Variants in SUN3 observed in about 807,000 individuals in gnomAD.
SUN3 encodes the protein Sad1 and UNC84 domain containing 3.
In SUN3, 36 loss-of-function variants were observed where a neutral mutation model predicts 48.2. That is an observed-to-expected ratio of 0.75 (90% CI 0.57 to 0.99). SUN3 has a LOEUF of 0.99. Ranked by LOEUF, SUN3 falls within the 50% of genes least tolerant of loss-of-function variation. SUN3 has a pLI of 0.00. For missense variants in SUN3, 419 were observed against 433.1 expected (o/e 0.97, Z 0.29); for synonymous variants, 148 against 147.9 (o/e 1.00, Z 0.00).
At chr7:48,020,716 G>A (rs772295546) in intron 2 of SUN3, among the ~76,000 whole-genome samples, 11 of 151,812 alleles carry the variant, frequency 7.2e-5, no homozygotes, top group Non-Finnish European at 1.6e-4. Context: ...CAAATACCTA[G>A]GAATTAACCA....
intron 8 of SUN3, chr7:47,990,953 TG>T (rs1224244512): frequency 8.4e-6 from 3 of 357,234 alleles, no homozygotes; most frequent in Admixed American, 6.7e-5. Flanking sequence ...TACTTGAGGG[TG>T]GGGGGTGGGA....
At chr7:47,990,939 G>C in intron 8 of SUN3, 1 of 395,736 alleles carries the variant, frequency 2.5e-6, no homozygotes, top group South Asian at 1.7e-5. Context: ...CAGACACTGA[G>C]ATCTACTTGA....
chr7:48,008,276 G>C (rs891444430), intron 4 of SUN3, among the ~76,000 whole-genome samples: 2 of 151,980 alleles, frequency 1.3e-5, no homozygotes, highest in African/African-American at 2.4e-5. Context: ...GTTTGAATTC[G>C]GGAAAAAACC....
rs778391270 is a variant in SUN3 at position 48,017,251 on chromosome 7, C to CA, written c.288+10dup. ...ATGAGTGATATACAAAATTACTTAA[C>CA]AAAATATCACCTGATATTTATAAAG... On this transcript the variant is annotated intron_variant, in intron 3 of 9. Coordinates refer to ENST00000297325, the MANE Select transcript of SUN3 (RefSeq NM_001030019.2). 30 of 1,459,712 alleles carry CA rather than the reference C, an allele frequency of 2.1e-5. No homozygotes were observed. The highest frequency in any genetic ancestry group is 2.5e-5 in the Non-Finnish European group (26 of 1,055,598). The allele number at this position is 1,459,712 out of a possible 1,614,324, so 90.4% of individuals were successfully genotyped here. A position where few individuals can be genotyped will look rare whatever the true frequency, so the allele number is the denominator to read the frequency against.
intron 3 of SUN3, among the ~76,000 whole-genome samples, chr7:48,009,620 A>G (rs967233608): frequency 6.6e-6 from 1 of 152,166 alleles, no homozygotes; most frequent in South Asian, 2.1e-4. Flanking sequence ...GCAGAAATTT[A>G]TCTAACACTG....
At chr7:48,010,244 G>C (rs954791490) in intron 3 of SUN3, among the ~76,000 whole-genome samples, 1 of 152,156 alleles carries the variant, frequency 6.6e-6, no homozygotes, top group Non-Finnish European at 1.5e-5. Flanking sequence ...TACCAACAGA[G>C]AAAGGAGGGC....
At chr7:48,000,117 A>C (rs1210115425) in intron 6 of SUN3, 1 of 152,190 alleles carries the variant, frequency 6.6e-6, no homozygotes, top group Admixed American at 6.5e-5. Context: ...TACTTAAAGA[A>C]AGAAAATTAC....
intron 3 of SUN3, among the ~76,000 whole-genome samples, chr7:48,010,988 G>A (rs929139245): frequency 1.4e-5 from 2 of 148,078 alleles, no homozygotes; most frequent in Non-Finnish European, 3.0e-5. Flanking sequence ...CTGCCTTTAC[G>A]TGGTCTCTTC....
intron 6 of SUN3, among the ~76,000 whole-genome samples, chr7:48,001,531 G>GTTTTTTTTTTTTTTTTTTT (rs1166666161): frequency 9.1e-6 from 1 of 110,494 alleles, no homozygotes; most frequent in African/African-American, 3.6e-5. Flanking sequence ...TGTTTTTTTT[G>GTTTTTTTTTTTTTTTTTTT]TTTTTTTTTT....
intron 3 of SUN3, among the ~76,000 whole-genome samples, chr7:48,016,927 G>C (rs901614684): frequency 2.0e-5 from 3 of 152,192 alleles, no homozygotes; most frequent in Admixed American, 6.5e-5. Context: ...GAGACAGAGA[G>C]AGAAATGGGG....
intron 2 of SUN3, among the ~76,000 whole-genome samples, chr7:48,024,032 A>G (rs1407508449): frequency 2.6e-5 from 4 of 152,160 alleles, no homozygotes; most frequent in Admixed American, 2.6e-4. Context: ...GGCTTTCCAC[A>G]TGCCAAAAAA....
chr7:48,001,896 T>C (rs1280176089), intron 6 of SUN3, among the ~76,000 whole-genome samples: 1 of 152,198 alleles, frequency 6.6e-6, no homozygotes, highest in Non-Finnish European at 1.5e-5. Context: ...CATATATCTT[T>C]ATAACACAAC....
intron 4 of SUN3, 79 bp from the exon 5 acceptor site, chr7:48,007,406 A>T: frequency 7.4e-7 from 1 of 1,345,470 alleles, no homozygotes. Context: ...TCCACCCGCC[A>T]TGTGATGAGG....
rs760569305 is a variant in SUN3 at position 48,025,874 on chromosome 7, T to C, written c.184+3A>G. ...TTAAGGATCATTACTTAGGAAGACT[T>C]ACCTACAAGAAGAAAAGTCAGTGTA... is the stretch of plus-strand genomic sequence containing the variant. On this transcript the variant is annotated splice_donor_region_variant and intron_variant, in intron 2 of 9. Transcript: ENST00000297325. 10 of 1,590,404 alleles carry C rather than the reference T, an allele frequency of 6.3e-6. No individual in the cohort carries two copies. The African/African-American group carries it at 9.4e-5, about 15-fold the overall frequency.
chr7:48,023,504 G>A (rs1163015332), intron 2 of SUN3, among the ~76,000 whole-genome samples: 1 of 151,992 alleles, frequency 6.6e-6, no homozygotes, highest in Non-Finnish European at 1.5e-5. Flanking sequence ...AGGCAGTAAA[G>A]AAGGAAATGA....
upstream of SUN3, among the ~76,000 whole-genome samples, chr7:48,031,252 A>G (rs1333459098): frequency 6.6e-6 from 1 of 152,264 alleles, no homozygotes; most frequent in African/African-American, 2.4e-5. Context: ...CAGAGAAGAC[A>G]TACACATTGC....
intron 3 of SUN3, among the ~76,000 whole-genome samples, chr7:48,011,399 GTGGCACA>G (rs1478598241): frequency 6.6e-6 from 1 of 152,218 alleles, no homozygotes; most frequent in Non-Finnish European, 1.5e-5. Flanking sequence ...GGAATGTAGT[GTGGCACA>G]TAGAAAAATA....
At chr7:48,032,215 T>C (rs1401370390), upstream of SUN3, among the ~76,000 whole-genome samples, 1 of 152,184 alleles carries the variant, frequency 6.6e-6, no homozygotes, top group Non-Finnish European at 1.5e-5. Context: ...GTTAGCAACA[T>C]TGTATTGTAT....
intron 6 of SUN3, among the ~76,000 whole-genome samples, chr7:48,005,617 C>G (rs1455085483): frequency 5.3e-5 from 8 of 151,902 alleles, no homozygotes; most frequent in Admixed American, 5.3e-4. Flanking sequence ...CATTTAATCC[C>G]TAATAATGCA....
Sources: allele counts gnomAD v4.1 joint callset (sites outside exome capture counted in the v4.1 genomes callset), GRCh38; gene constraint gnomAD v4.1.1; transcripts MANE v1.5; gene names NCBI Gene and HGNC (gene_info 2026-07-23, HGNC 2026-07-21).